The following UNC13C variants were observed in gnomAD, a reference collection of about 807,000 sequenced individuals.
UNC13C encodes the protein protein unc-13 homolog C.
A neutral mutation model predicts 245.4 loss-of-function variants in UNC13C; 174 were observed. That is an observed-to-expected ratio of 0.71 (90% CI 0.63 to 0.80). The LOEUF is 0.80. Among genes scored for constraint, UNC13C ranks in the 30% least tolerant of loss-of-function variants. UNC13C has a pLI of 0.00. For missense variants in UNC13C, 2,829 were observed against 2,602.9 expected (o/e 1.09, Z -1.89); for synonymous variants, 992 against 895.1 (o/e 1.11, Z -1.93).
At chr15:54,156,664 A>C (rs889395012) in intron 4 of UNC13C, among the ~76,000 whole-genome samples, 1 of 151,942 alleles carries the variant, frequency 6.6e-6, no homozygotes, top group Non-Finnish European at 1.5e-5. Flanking sequence ...GCTGAGACTC[A>C]GATTTGTCCA....
chr15:54,367,480 C>T (rs2039390179), intron 17 of UNC13C, among the ~76,000 whole-genome samples: 1 of 152,116 alleles, frequency 6.6e-6, no homozygotes, highest in Non-Finnish European at 1.5e-5. Flanking sequence ...CCCATTATGC[C>T]ACAGGCTCTT....
At chr15:54,236,504 G>T in intron 6 of UNC13C, 69 bp downstream of exon 6, 2 of 1,233,826 alleles carry the variant, frequency 1.6e-6, no homozygotes. Context: ...ACTTACTCAT[G>T]GGGTAAAAGA....
chr15:53,965,944 AT>A, the UNC13C span, among the ~76,000 whole-genome samples: 1 of 151,974 alleles, frequency 6.6e-6, no homozygotes, highest in Admixed American at 6.6e-5. Context: ...TATGTGCCAC[AT>A]TTTCTTAATC....
rs1438095484 is a variant in UNC13C, at chr15:54,235,042, A to G, written c.3084A>G (p.Gly1028=). 6.2e-7 allele frequency: 1 copy of G among 1,613,846 alleles called. No homozygotes were observed. The highest frequency in any genetic ancestry group is 1.7e-5 in the Admixed American group (1 of 60,006). ...TTTTGTCTTTCAGGGCTGGAGGTGG[A>G]CTTTATGGTATTGACAGCATGCCGG... ...ALQVCGGAGG[G]LYGIDSMPDL... The change falls in exon 5 of 33, where the codon GGA becomes GGG. Residue 1028 remains glycine, a synonymous_variant. Coordinates refer to ENST00000260323, the MANE Select transcript of UNC13C (RefSeq NM_001080534.3).
In UNC13C at chr15:54,582,631, T is replaced by A. The variant is rs148319745; in HGVS notation, c.6106+14684T>A. ...TATTTAAACATTTTTGCTGGTTAGC[T>A]CCTCAAAAGGCCTCTCAGTCTGAGC... is the stretch of plus-strand genomic sequence containing the variant. On this transcript the variant is annotated intron_variant, in intron 30 of 32. Coordinates refer to ENST00000260323, the MANE Select transcript of UNC13C (RefSeq NM_001080534.3). Among the ~76,000 whole-genome samples, 32 of 152,178 alleles carry A rather than the reference T, an allele frequency of 2.1e-4. 1 individual carries two copies. In the East Asian group the frequency reaches 6.0e-3, roughly 28 times the overall value.
At chr15:54,424,801 A>AC (rs1167218813) in intron 19 of UNC13C, among the ~76,000 whole-genome samples, 3 of 151,884 alleles carry the variant, frequency 2.0e-5, no homozygotes, top group Non-Finnish European at 4.4e-5. Context: ...GCTGGAAAGG[A>AC]CAGGAGCAGC....
At chr15:53,883,568 CA>C in the UNC13C span, among the ~76,000 whole-genome samples, 1 of 152,168 alleles carries the variant, frequency 6.6e-6, no homozygotes, top group Non-Finnish European at 1.5e-5. Context: ...GTAAAGCAAT[CA>C]AATACATAAA....
intron 2 of UNC13C, among the ~76,000 whole-genome samples, chr15:54,064,734 C>T (rs1384889349): frequency 6.6e-6 from 1 of 152,194 alleles, no homozygotes. Context: ...ATAGGAATAA[C>T]TGCAGGTACT....
intron 22 of UNC13C, among the ~76,000 whole-genome samples, chr15:54,502,583 G>A (rs1489168333): frequency 1.3e-5 from 2 of 152,102 alleles, no homozygotes; most frequent in Non-Finnish European, 2.9e-5. Context: ...TTTTCTTGAT[G>A]AGCAGCTGTG....
At chr15:54,346,720 T>C (rs1301661954) in intron 17 of UNC13C, among the ~76,000 whole-genome samples, 3 of 152,182 alleles carry the variant, frequency 2.0e-5, no homozygotes, top group Non-Finnish European at 2.9e-5. Context: ...TTGGCTGAAT[T>C]GCCAGGCTCC....
the UNC13C span, among the ~76,000 whole-genome samples, chr15:53,891,326 G>A: frequency 6.6e-6 from 1 of 152,180 alleles, no homozygotes; most frequent in Non-Finnish European, 1.5e-5. Context: ...GTGCTGAGAA[G>A]AATGTCTATT....
At chr15:54,555,025 A>C (rs369144545) in intron 28 of UNC13C, among the ~76,000 whole-genome samples, 5 of 152,200 alleles carry the variant, frequency 3.3e-5, no homozygotes, top group African/African-American at 7.2e-5. Flanking sequence ...TATTTAAAAT[A>C]GACTTTATCA....
intron 10 of UNC13C, among the ~76,000 whole-genome samples, chr15:54,286,354 G>C (rs929308317): frequency 1.3e-4 from 20 of 152,146 alleles, no homozygotes; most frequent in African/African-American, 4.6e-4. Flanking sequence ...TATAGTTGCA[G>C]TGTGAAGTAT....
chr15:54,594,790 G>A lies in UNC13C; in HGVS notation c.6106+26843G>A, dbSNP rs28391351. ...GCTTCCACAGTAGGGATGTGTGTTC[G>A]GGAAAGGATGTTGGGGAAACCAGCC... On this transcript the variant is annotated intron_variant, in intron 30 of 32. Coordinates refer to ENST00000260323, the MANE Select transcript of UNC13C (RefSeq NM_001080534.3). Among the ~76,000 whole-genome samples, 1,285 of 152,296 alleles carry A rather than the reference G, an allele frequency of 8.4e-3. 12 individuals carry two copies. The highest frequency in any genetic ancestry group is 0.028 in the African/African-American group (1,180 of 41,560).
chr15:54,611,236 G>C (rs1216968721), intron 30 of UNC13C, among the ~76,000 whole-genome samples: 1 of 152,044 alleles, frequency 6.6e-6, no homozygotes, highest in Non-Finnish European at 1.5e-5. Flanking sequence ...TGTGATAAGA[G>C]GTAAATTTGT....
intron 14 of UNC13C, among the ~76,000 whole-genome samples, chr15:54,323,265 A>G (rs768407902): frequency 1.4e-4 from 21 of 152,030 alleles, no homozygotes; most frequent in South Asian, 2.1e-4. Context: ...TTTCCTCTGA[A>G]AGAGAAATGC....
intron 14 of UNC13C, among the ~76,000 whole-genome samples, chr15:54,325,549 A>G (rs2038278189): frequency 6.6e-6 from 1 of 151,846 alleles, no homozygotes; most frequent in African/African-American, 2.4e-5. Flanking sequence ...TCCTAATGCT[A>G]TCCCTCCCCC....
intron 14 of UNC13C, among the ~76,000 whole-genome samples, chr15:54,325,112 C>T (rs1198938494): frequency 1.3e-5 from 2 of 151,792 alleles, no homozygotes; most frequent in Non-Finnish European, 2.9e-5. Context: ...AATTAAAGCT[C>T]AATTATTCCA....
intron 1 of UNC13C, among the ~76,000 whole-genome samples, chr15:54,007,202 T>C (rs1376112022): frequency 6.6e-6 from 1 of 152,220 alleles, no homozygotes; most frequent in Non-Finnish European, 1.5e-5. Context: ...AGGAAAATAA[T>C]TCTAATCCTA....
Sources: allele counts gnomAD v4.1 joint callset (sites outside exome capture counted in the v4.1 genomes callset), GRCh38; gene constraint gnomAD v4.1.1; transcripts MANE v1.5; gene names NCBI Gene and HGNC (gene_info 2026-07-23, HGNC 2026-07-21).